CDC42BPA: variants seen among roughly 807,000 people sequenced by gnomAD.
The protein encoded by CDC42BPA is CDC42 binding protein kinase alpha.
CDC42BPA carries 80 observed loss-of-function variants against 223.5 expected under a neutral mutation model. The observed-to-expected ratio is 0.36, with a 90% CI of 0.30 to 0.43. The LOEUF is 0.43. Ranked by LOEUF, CDC42BPA falls within the 20% of genes least tolerant of loss-of-function variation. CDC42BPA has a pLI of 1.00. For missense variants in CDC42BPA, 1,743 were observed against 2,099.9 expected, an observed-to-expected ratio of 0.83 and a Z score of 3.32; for synonymous variants, 694 against 718.6, an observed-to-expected ratio of 0.97 and a Z score of 0.55.
Position 227,026,069 on chromosome 1 carries a change from G to A in CDC42BPA, c.4516C>T (p.Leu1506Phe). Residue 1506 changes from leucine (L) to phenylalanine (F), a missense_variant, in exon 31 of 37, where the codon CTT becomes TTT. Physicochemically the swap from Leu to Phe is conservative, Grantham distance 22. This residue lies in a region of CDC42BPA where 678 missense variants were observed against 777.5 expected (regional missense o/e 0.87). Transcript: ENST00000366766. ...DVNSMEWIQT[L>F]PLKKVRPLNN... ...TGTTAAATTACCTTTTTGAGAGGAAGAGTCTGAATCCATTCCATGGAGTTC... is the reference window on the plus strand; with the variant it reads ...TGTTAAATTACCTTTTTGAGAGGAAAAGTCTGAATCCATTCCATGGAGTTC... The A allele has an allele frequency of 6.3e-7, 1 of 1,584,140 alleles. No individual in the cohort carries two copies. The highest frequency in any genetic ancestry group is 8.6e-7 in the Non-Finnish European group (1 of 1,156,986).
chr1:227,273,166 C>T (rs1309188643), intron 1 of CDC42BPA, among the ~76,000 whole-genome samples: 27 of 152,048 alleles, frequency 1.8e-4, no homozygotes, highest in Admixed American at 5.9e-4. Flanking sequence ...GGCATGGTGG[C>T]GCATGCCTGT....
At chr1:227,006,888 A>G (rs1359223740) in intron 34 of CDC42BPA, among the ~76,000 whole-genome samples, 1 of 152,006 alleles carries the variant, frequency 6.6e-6, no homozygotes, top group Non-Finnish European at 1.5e-5. Context: ...TGGAGGAGCC[A>G]AGATCACGCC....
Position 227,265,706 on chromosome 1 carries a change from A to G in CDC42BPA, c.179-11551T>C, listed in dbSNP as rs186510497. Among the ~76,000 whole-genome samples, 929 of 152,212 alleles carry G rather than the reference A, an allele frequency of 6.1e-3. 5 individuals carry two copies. Among genetic ancestry groups the G allele is most frequent in the Non-Finnish European group, 0.01 (681 of 67,998 alleles). ...ACCTCCCATCTATTTGAACTTGGGT[A>G]TATTATCCTCTAGACCCTAGTTTCT... On this transcript the variant is annotated intron_variant, in intron 1 of 36. Transcript: ENST00000366766.
rs943621053 is a variant in CDC42BPA, at chr1:227,273,201, G to A, written c.179-19046C>T. On this transcript the variant is annotated intron_variant, in intron 1 of 36. Transcript: ENST00000366766. ...TAATCTCAGCTACTCGGGAGGTTGAGGCAGGAGAACTGCTTGAACCCGGGA... is the reference window on the plus strand; with the variant it reads ...TAATCTCAGCTACTCGGGAGGTTGAAGCAGGAGAACTGCTTGAACCCGGGA... Among the ~76,000 whole-genome samples, 3 of 152,106 alleles carry A rather than the reference G, an allele frequency of 2.0e-5. No homozygotes were observed. The East Asian group carries it at 5.8e-4, about 29-fold the overall frequency.
chr1:227,188,694 G>T (rs1168290728), intron 5 of CDC42BPA, among the ~76,000 whole-genome samples: 1 of 152,176 alleles, frequency 6.6e-6, no homozygotes, highest in Admixed American at 6.5e-5. Flanking sequence ...GGGGTTAGCG[G>T]GAAGGGAGGA....
At chr1:227,046,531 A>G (rs1672486150) in intron 23 of CDC42BPA, among the ~76,000 whole-genome samples, 1 of 151,898 alleles carries the variant, frequency 6.6e-6, no homozygotes, top group African/African-American at 2.4e-5. Flanking sequence ...TAAATTTGTG[A>G]TCTCTTTGGT....
At chr1:227,206,517 T>A (rs1672755330) in intron 3 of CDC42BPA, among the ~76,000 whole-genome samples, 1 of 152,190 alleles carries the variant, frequency 6.6e-6, no homozygotes, top group South Asian at 2.1e-4. Flanking sequence ...TTTTAAAGCA[T>A]CAACAATACA....
At chr1:227,097,022 T>TA (rs774996578) in intron 15 of CDC42BPA, among the ~76,000 whole-genome samples, 7 of 151,944 alleles carry the variant, frequency 4.6e-5, no homozygotes, top group East Asian at 3.9e-4. Context: ...CATGATAGGT[T>TA]AAAAAAAACA....
chr1:227,176,674 C>G lies in CDC42BPA; in HGVS notation c.600-16038G>C, dbSNP rs146633480. On this transcript the variant is annotated intron_variant, in intron 5 of 36. Transcript: ENST00000366766. ...ATATCTCTATAGCCATGTTAGTCAT[C>G]TGAAGCTCATTTTCTAGTAGGTTAT... Among the ~76,000 whole-genome samples the G allele has an allele frequency of 1.9e-4, 29 of 152,184 alleles. No individual in the cohort carries two copies. In the East Asian group the frequency reaches 5.2e-3, roughly 27 times the overall value.
At chr1:227,109,374 C>CTT (rs34507557) in intron 14 of CDC42BPA, among the ~76,000 whole-genome samples, 4 of 151,282 alleles carry the variant, frequency 2.6e-5, no homozygotes, top group Admixed American at 6.6e-5. Flanking sequence ...AAAAATGTAT[C>CTT]TTTTTTTTTG....
At chr1:227,018,816 TA>T (rs1342341334) in intron 32 of CDC42BPA, among the ~76,000 whole-genome samples, 1 of 152,160 alleles carries the variant, frequency 6.6e-6, no homozygotes, top group Non-Finnish European at 1.5e-5. Context: ...TGTGCAACAG[TA>T]CGTGTCTAAA....
chr1:227,156,106 G>A (rs1662692813), intron 6 of CDC42BPA, among the ~76,000 whole-genome samples: 1 of 149,946 alleles, frequency 6.7e-6, no homozygotes, highest in African/African-American at 2.5e-5. Flanking sequence ...ATAAAATAAA[G>A]TTTCTTCATT....
In CDC42BPA at chr1:227,129,388, A is replaced by AT. The variant is rs1327246034; in HGVS notation, c.1391-158dup. Among the ~76,000 whole-genome samples the AT allele has an allele frequency of 3.3e-5, 5 of 152,156 alleles. No individual in the cohort carries two copies. In the East Asian group the frequency reaches 9.6e-4, roughly 29 times the overall value. ...CATGTGAATACTCAAAAATTAAGTC[A>AT]TAAAAAATCAGACCAGGCATGGTAA... On this transcript the variant is annotated intron_variant, in intron 10 of 36. Transcript: ENST00000366766.
chr1:227,012,340 G>A (rs1665385135), intron 34 of CDC42BPA, among the ~76,000 whole-genome samples: 1 of 152,056 alleles, frequency 6.6e-6, no homozygotes, highest in Non-Finnish European at 1.5e-5. Context: ...AAAAATTCAA[G>A]AAAATGAATA....
intron 21 of CDC42BPA, among the ~76,000 whole-genome samples, chr1:227,060,964 G>A (rs1036126204): frequency 4.6e-5 from 7 of 151,838 alleles, no homozygotes; most frequent in East Asian, 1.9e-4. Context: ...TAAGTGATCC[G>A]CCTGCCTCGG....
At chr1:227,225,378 A>C (rs1172863221) in intron 2 of CDC42BPA, among the ~76,000 whole-genome samples, 2 of 152,164 alleles carry the variant, frequency 1.3e-5, no homozygotes, top group Non-Finnish European at 2.9e-5. Flanking sequence ...GAAAGAAAAA[A>C]AGAACTCCAT....
At chr1:227,051,784 A>G in intron 22 of CDC42BPA, 97 bp downstream of exon 22, 1 of 604,564 alleles carries the variant, frequency 1.7e-6, no homozygotes, top group South Asian at 1.5e-5. Context: ...CTTATTACAT[A>G]TTTGGTTAAG....
intron 32 of CDC42BPA, among the ~76,000 whole-genome samples, chr1:227,021,479 C>G (rs937524859): frequency 6.6e-6 from 1 of 152,136 alleles, no homozygotes; most frequent in Non-Finnish European, 1.5e-5. Flanking sequence ...TTACCATAGA[C>G]TTCTGCTATA....
At chr1:227,289,423 G>C (rs1689329639) in intron 1 of CDC42BPA, among the ~76,000 whole-genome samples, 1 of 152,094 alleles carries the variant, frequency 6.6e-6, no homozygotes, top group Non-Finnish European at 1.5e-5. Context: ...TTTAACATCA[G>C]TTCAAACATC....
Sources: gnomAD v4.1 joint callset for allele counts (sites outside exome capture counted in the v4.1 genomes callset) on GRCh38, gnomAD v4.1.1 for gene constraint, gnomAD v4.1.1 regional missense constraint, MANE v1.5 for transcripts, NCBI Gene and HGNC (gene_info 2026-07-23, HGNC 2026-07-21) for gene names.